TDP1: variants seen among roughly 807,000 people sequenced by gnomAD.
TDP1 encodes the protein tyrosyl-DNA phosphodiesterase 1, also known as tyr-DNA phosphodiesterase 1.
In TDP1, 64 loss-of-function variants were observed where a neutral mutation model predicts 81.5. That is an observed-to-expected ratio of 0.79 (90% CI 0.64 to 0.97). The LOEUF (loss-of-function observed/expected upper bound fraction) is 0.97, where lower values mean the gene tolerates loss of function less well. TDP1 is among the 50% of genes least tolerant of loss of function. The pLI is 0.00. For synonymous variants in TDP1, 256 were observed against 264.3 expected (o/e 0.97, Z 0.30); for missense variants, 723 against 743.8 (o/e 0.97, Z 0.33).
chr14:89,984,487 A>C, intron 8 of TDP1, 29 bp from the exon 9 acceptor site: 1 of 1,613,750 alleles, frequency 6.2e-7, no homozygotes, highest in Non-Finnish European at 8.5e-7. Context: ...TGTGTGCCTG[A>C]CTGTTAAAGG....
upstream of TDP1, chr14:89,955,070 A>C: frequency 5.3e-6 from 1 of 190,368 alleles, no homozygotes; most frequent in Non-Finnish European, 1.1e-5. Flanking sequence ...CTATGACACT[A>C]TGCTAAACGT....
At chr14:90,012,223 C>T (rs1199066568) in intron 14 of TDP1, among the ~76,000 whole-genome samples, 1 of 152,272 alleles carries the variant, frequency 6.6e-6, no homozygotes, top group Non-Finnish European at 1.5e-5. Flanking sequence ...CCTCTACTTA[C>T]ATTTCAAAGG....
intron 4 of TDP1, chr14:89,966,926 C>T (rs1262867531): frequency 2.1e-6 from 2 of 946,488 alleles, no homozygotes; most frequent in Non-Finnish European, 2.5e-6. Flanking sequence ...GTGTACAAAG[C>T]TAGCTAATAA....
chr14:89,958,934 G>C (rs1669281697), intron 2 of TDP1, among the ~76,000 whole-genome samples: 1 of 152,230 alleles, frequency 6.6e-6, no homozygotes, highest in South Asian at 2.1e-4. Context: ...GTAGCCATAA[G>C]ATACCTTCTG....
intron 14 of TDP1, among the ~76,000 whole-genome samples, chr14:90,017,797 T>C (rs1364388568): frequency 2.0e-5 from 3 of 152,192 alleles, no homozygotes; most frequent in African/African-American, 4.8e-5. Flanking sequence ...TCTTGGACTT[T>C]TAAAAAAAGT....
chr14:90,022,388 G>A (rs1281536267), intron 15 of TDP1, among the ~76,000 whole-genome samples: 1 of 152,372 alleles, frequency 6.6e-6, no homozygotes. Context: ...CCTCTTAGGG[G>A]ACTCAGCAGC....
intron 14 of TDP1, among the ~76,000 whole-genome samples, chr14:90,018,300 T>A (rs1885555964): frequency 6.6e-6 from 1 of 152,058 alleles, no homozygotes. Flanking sequence ...ACTGAAAAAA[T>A]GTTTATGGTG....
intron 5 of TDP1, among the ~76,000 whole-genome samples, chr14:89,969,126 C>T (rs926527537): frequency 9.2e-5 from 14 of 152,186 alleles, no homozygotes; most frequent in African/African-American, 3.4e-4. Context: ...CCTGCCAGCA[C>T]CTTGATCTTG....
intron 14 of TDP1, among the ~76,000 whole-genome samples, chr14:90,018,575 C>T (rs1370065748): frequency 3.3e-5 from 5 of 152,110 alleles, no homozygotes; most frequent in African/African-American, 4.8e-5. Flanking sequence ...ATCCTCCCAC[C>T]GCAGCCTTCC....
intron 14 of TDP1, among the ~76,000 whole-genome samples, chr14:90,012,454 G>A (rs1305736799): frequency 5.3e-5 from 8 of 150,684 alleles, no homozygotes; most frequent in East Asian, 2.1e-4. Flanking sequence ...CTTCCACACT[G>A]CCATAGCAAA....
intron 16 of TDP1, among the ~76,000 whole-genome samples, chr14:90,040,716 A>T (rs1192778925): frequency 6.6e-6 from 1 of 152,272 alleles, no homozygotes; most frequent in Non-Finnish European, 1.5e-5. Flanking sequence ...TGCATAAAGC[A>T]GGTTTTCCTC....
Position 90,012,187 on chromosome 14 carries a change from A to G in TDP1, c.1542-7129A>G, listed in dbSNP as rs574147939. On this transcript the variant is annotated intron_variant, in intron 14 of 16. Transcript: ENST00000335725. ...CATTGTGTTGGGCCTGTAGGTACAC[A>G]TAAGTTAAGAATTGAGGTTTGGGAA... is the stretch of plus-strand genomic sequence containing the variant. Among the ~76,000 whole-genome samples the G allele has an allele frequency of 2.2e-4, 34 of 152,328 alleles. 1 individual carries two copies. The highest frequency in any genetic ancestry group is 1.9e-3 in the South Asian group (9 of 4,830).
chr14:89,992,047 T>A, intron 13 of TDP1, 64 bp downstream of exon 13: 2 of 1,408,978 alleles, frequency 1.4e-6, no homozygotes, highest in Non-Finnish European at 2.0e-6. Context: ...TTTATGTCAC[T>A]GGTTTGTTTT....
intron 4 of TDP1, 45 bp from the exon 5 acceptor site, chr14:89,967,322 G>C (rs1251753344): frequency 4.4e-6 from 7 of 1,578,442 alleles, no homozygotes; most frequent in South Asian, 1.1e-5. Flanking sequence ...GAACTGTTTG[G>C]CAGAATTACC....
chr14:90,020,771 C>T (rs1885984153), intron 15 of TDP1, among the ~76,000 whole-genome samples: 1 of 145,224 alleles, frequency 6.9e-6, no homozygotes, highest in Admixed American at 6.9e-5. Flanking sequence ...GTGTGCTTGT[C>T]CTCAGACTTC....
At chr14:90,003,759 C>T (rs557932902) in intron 14 of TDP1, among the ~76,000 whole-genome samples, 1 of 152,280 alleles carries the variant, frequency 6.6e-6, no homozygotes, top group South Asian at 2.1e-4. Flanking sequence ...AATGTTGGTG[C>T]TGCCACTTCG....
chr14:89,993,031 T>G, intron 13 of TDP1: 1 of 899,924 alleles, frequency 1.1e-6, no homozygotes, highest in Non-Finnish European at 1.3e-6. Flanking sequence ...GGAAGCATGA[T>G]TCTTCCCTTT....
chr14:89,957,106 T>G (rs1891750010), intron 2 of TDP1: 1 of 152,266 alleles, frequency 6.6e-6, no homozygotes, highest in African/African-American at 2.4e-5. Context: ...CACCCCATCA[T>G]TTAGACAGCA....
intron 14 of TDP1, among the ~76,000 whole-genome samples, chr14:90,018,576 G>A (rs1326753533): frequency 2.6e-5 from 4 of 151,994 alleles, no homozygotes; most frequent in African/African-American, 9.7e-5. Context: ...TCCTCCCACC[G>A]CAGCCTTCCA....
Sources: gnomAD v4.1 joint callset for allele counts (sites outside exome capture counted in the v4.1 genomes callset) on GRCh38, gnomAD v4.1.1 for gene constraint, MANE v1.5 for transcripts, NCBI Gene and HGNC (gene_info 2026-07-23, HGNC 2026-07-21) for gene names.